NBEA: variants seen among roughly 807,000 people sequenced by gnomAD.
NBEA encodes lysosomal-trafficking regulator 2.
NBEA carries 44 observed loss-of-function variants against 343.4 expected under a neutral mutation model. The observed-to-expected ratio is 0.13, with a 90% CI of 0.10 to 0.16. The LOEUF (loss-of-function observed/expected upper bound fraction) is 0.16. NBEA is among the 10% of genes least tolerant of loss of function. The pLI, the probability that NBEA is intolerant of heterozygous loss-of-function variation, is 1.00. For missense variants in NBEA, 2,555 were observed against 3,631.3 expected (o/e 0.70, Z 7.62); for synonymous variants, 1,175 against 1,238.7 (o/e 0.95, Z 1.08).
intron 43 of NBEA, among the ~76,000 whole-genome samples, chr13:35,552,575 T>A (rs2079380322): frequency 6.6e-6 from 1 of 152,190 alleles, no homozygotes; most frequent in African/African-American, 2.4e-5. Flanking sequence ...TCCCAAGTGC[T>A]TACATACTAT....
At chr13:35,113,335 G>GTA (rs1168297630) in intron 13 of NBEA, among the ~76,000 whole-genome samples, 1 of 151,948 alleles carries the variant, frequency 6.6e-6, no homozygotes. Flanking sequence ...TTTGATTAAG[G>GTA]TATTATCTTC....
At chr13:35,402,919 A>G (rs1004476277) in intron 38 of NBEA, among the ~76,000 whole-genome samples, 5 of 152,044 alleles carry the variant, frequency 3.3e-5, no homozygotes, top group Admixed American at 1.3e-4. Flanking sequence ...ATTCCCTCCT[A>G]CAAAAGAACA....
Position 35,155,803 on chromosome 13 carries a change from C to T in NBEA, c.2475C>T (p.Val825=), listed in dbSNP as rs2069133607. The change falls in exon 19 of 59, where the codon GTC becomes GTT. Residue 825 remains valine, a synonymous_variant. Coordinates refer to ENST00000379939, the MANE Select transcript of NBEA (RefSeq NM_001385012.1). ...TGACAGAACAAGTATGTACTCAGGT[C>T]GTACACAAACCACATCCAGAGCCAG... is the stretch of plus-strand genomic sequence containing the variant. ...EILTEQVCTQ[V]VHKPHPEPDS... is the part of the protein sequence containing the mutation. The T allele has an allele frequency of 6.2e-7, 1 of 1,611,362 alleles. No individual in the cohort carries two copies. The highest frequency in any genetic ancestry group is 1.7e-5 in the Admixed American group (1 of 60,010).
chr13:35,225,147 T>C (rs1487752671), intron 33 of NBEA, among the ~76,000 whole-genome samples: 4 of 152,174 alleles, frequency 2.6e-5, no homozygotes, highest in African/African-American at 9.6e-5. Context: ...TGTTACTGGG[T>C]GCTTGCAAGC....
chr13:35,418,848 C>A (rs1426532498), intron 38 of NBEA, among the ~76,000 whole-genome samples: 3 of 151,932 alleles, frequency 2.0e-5, no homozygotes, highest in African/African-American at 4.8e-5. Context: ...GCTGCTATAA[C>A]AAATTACAGG....
chr13:35,143,914 AC>A (rs376343154), intron 18 of NBEA, among the ~76,000 whole-genome samples: 3,490 of 150,852 alleles, frequency 0.023, 151 homozygotes, highest in African/African-American at 0.081. Context: ...AAAAAAAAAA[AC>A]AAAAACAAAT....
intron 34 of NBEA, among the ~76,000 whole-genome samples, chr13:35,240,204 G>A (rs2152777502): frequency 6.6e-6 from 1 of 151,912 alleles, no homozygotes; most frequent in African/African-American, 2.4e-5. Context: ...AAACTGATAA[G>A]AAAATTAAAA....
intron 41 of NBEA, among the ~76,000 whole-genome samples, chr13:35,477,603 T>A (rs1271244786): frequency 6.6e-6 from 1 of 152,228 alleles, no homozygotes; most frequent in Non-Finnish European, 1.5e-5. Flanking sequence ...TCCTCACAGA[T>A]AACTATCCCG....
intron 34 of NBEA, 150 bp from the exon 35 acceptor site, chr13:35,290,239 A>G (rs1021222554): frequency 5.6e-6 from 3 of 531,402 alleles, no homozygotes; most frequent in South Asian, 2.5e-5. Context: ...CTAAAAATGT[A>G]TGCTAGGTGA....
Position 35,098,386 on chromosome 13 carries a change from T to C in NBEA, c.1661T>C (p.Ile554Thr). 6.3e-7 allele frequency: 1 copy of C among 1,585,154 alleles called. No individual in the cohort carries two copies. Among genetic ancestry groups the C allele is most frequent in the Non-Finnish European group, 8.6e-7 (1 of 1,163,870 alleles). ...QMLGGKGFLVIGYLLEKSSRV... is the reference protein window; with the variant it reads ...QMLGGKGFLVTGYLLEKSSRV... ...CTGGGTGGAAAAGGCTTTTTAGTCA[T>C]TGGCTACTTACTTGAAAAGGTAAGT... is the stretch of plus-strand genomic sequence containing the variant. Residue 554 changes from isoleucine (I) to threonine (T), a missense_variant, in exon 11 of 59, where the codon ATT becomes ACT. Around this residue, in one of 21 missense-constraint regions of NBEA, gnomAD observed 360 missense variants for 519.1 expected, o/e 0.69. Coordinates refer to ENST00000379939, the MANE Select transcript of NBEA (RefSeq NM_001385012.1).
intron 36 of NBEA, among the ~76,000 whole-genome samples, chr13:35,317,772 T>G (rs1039813325): frequency 3.9e-5 from 6 of 152,322 alleles, no homozygotes; most frequent in Non-Finnish European, 7.4e-5. Flanking sequence ...CTGTTCTCTC[T>G]TATTTCCTTG....
At chr13:35,525,988 A>G (rs1187797465) in intron 41 of NBEA, among the ~76,000 whole-genome samples, 5 of 152,172 alleles carry the variant, frequency 3.3e-5, no homozygotes, top group Non-Finnish European at 7.4e-5. Flanking sequence ...CGTTCGGACC[A>G]TAGCACTTGG....
chr13:35,380,901 T>C (rs916224405), intron 38 of NBEA, among the ~76,000 whole-genome samples: 1 of 152,192 alleles, frequency 6.6e-6, no homozygotes, highest in Non-Finnish European at 1.5e-5. Context: ...ATAGGTTGTT[T>C]GTTTCGTTTT....
chr13:34,950,497 T>G (rs1003074347), intron 1 of NBEA, among the ~76,000 whole-genome samples: 3 of 151,784 alleles, frequency 2.0e-5, no homozygotes, highest in Non-Finnish European at 4.4e-5. Context: ...TAAAAAATAT[T>G]TAAATACTAA....
chr13:35,406,328 T>A (rs2043267366), intron 38 of NBEA, among the ~76,000 whole-genome samples: 1 of 150,282 alleles, frequency 6.7e-6, no homozygotes, highest in African/African-American at 2.4e-5. Flanking sequence ...TTTCAATAGG[T>A]TTTGGGGGGA....
chr13:35,053,200 G>T (rs1362352558), intron 6 of NBEA, among the ~76,000 whole-genome samples: 1 of 152,098 alleles, frequency 6.6e-6, no homozygotes, highest in Non-Finnish European at 1.5e-5. Flanking sequence ...TTCCTGCTCA[G>T]AATTATTTAG....
chr13:35,165,499 TAAG>T (rs991657953), intron 24 of NBEA, among the ~76,000 whole-genome samples: 3 of 152,124 alleles, frequency 2.0e-5, no homozygotes, highest in Admixed American at 6.6e-5. Context: ...GAAATGGAGC[TAAG>T]AAGAACAGTA....
intron 36 of NBEA, among the ~76,000 whole-genome samples, chr13:35,316,878 C>A (rs1469305831): frequency 6.6e-6 from 1 of 152,026 alleles, no homozygotes; most frequent in Non-Finnish European, 1.5e-5. Context: ...AGTTTTTTTT[C>A]ATATACTTGT....
chr13:35,093,313 A>T (rs1220925422), intron 10 of NBEA, among the ~76,000 whole-genome samples: 2 of 15,882 alleles, frequency 1.3e-4, no homozygotes, highest in Non-Finnish European at 4.7e-4. Context: ...AAACTGGTAC[A>T]CCAAAAAAAA....
Sources: gnomAD v4.1 joint callset for allele counts (sites outside exome capture counted in the v4.1 genomes callset) on GRCh38, gnomAD v4.1.1 for gene constraint, gnomAD v4.1.1 regional missense constraint, MANE v1.5 for transcripts, NCBI Gene and HGNC (gene_info 2026-07-23, HGNC 2026-07-21) for gene names.